Variants in RFTN2 observed in about 807,000 individuals in gnomAD.
RFTN2 encodes raftlin-2.
A neutral mutation model predicts 52.7 loss-of-function variants in RFTN2; 34 were observed. The observed-to-expected ratio is 0.64, with a 90% CI of 0.49 to 0.86. The LOEUF is 0.86. Among genes scored for constraint, RFTN2 ranks in the 40% least tolerant of loss-of-function variants. RFTN2 has a pLI of 0.00. For missense variants in RFTN2, 536 were observed against 600.1 expected (o/e 0.89, Z 1.12); for synonymous variants, 203 against 217.7 (o/e 0.93, Z 0.59).
intron 8 of RFTN2, among the ~76,000 whole-genome samples, chr2:197,586,137 A>C (rs568006165): frequency 2.6e-5 from 4 of 152,314 alleles, no homozygotes; most frequent in African/African-American, 9.6e-5. Context: ...TTGCTTACGA[A>C]GGCACTTACC....
chr2:197,639,796 T>G (rs2088631055), intron 3 of RFTN2, among the ~76,000 whole-genome samples: 1 of 143,436 alleles, frequency 7.0e-6, no homozygotes, highest in Admixed American at 7.1e-5. Flanking sequence ...ACTGCGTTCC[T>G]TTGGAGGAGG....
chr2:197,610,263 C>G (rs1429795467), intron 7 of RFTN2, among the ~76,000 whole-genome samples: 1 of 152,172 alleles, frequency 6.6e-6, no homozygotes, highest in African/African-American at 2.4e-5. Flanking sequence ...GAATGTTCTT[C>G]CATTTGTTTG....
chr2:197,621,794 G>A (rs1293951575), intron 5 of RFTN2, among the ~76,000 whole-genome samples: 5 of 152,118 alleles, frequency 3.3e-5, no homozygotes, highest in Non-Finnish European at 7.3e-5. Flanking sequence ...GTGAAAAGAA[G>A]AGTCACAAGT....
At chr2:197,602,804 C>G (rs868247546) in intron 7 of RFTN2, among the ~76,000 whole-genome samples, 102 of 152,276 alleles carry the variant, frequency 6.7e-4, no homozygotes, top group African/African-American at 2.4e-3. Flanking sequence ...TTCACAATAG[C>G]AAAGACTTGG....
intron 7 of RFTN2, among the ~76,000 whole-genome samples, chr2:197,596,644 A>G (rs2087797013): frequency 6.6e-6 from 1 of 152,196 alleles, no homozygotes; most frequent in African/African-American, 2.4e-5. Context: ...TATTCCTCTT[A>G]TGAATTATTT....
intron 8 of RFTN2, among the ~76,000 whole-genome samples, chr2:197,590,780 C>A (rs1057242245): frequency 1.3e-5 from 2 of 152,106 alleles, no homozygotes; most frequent in Non-Finnish European, 2.9e-5. Flanking sequence ...TGGAGTTGTT[C>A]GTTCCTCCCG....
intron 7 of RFTN2, among the ~76,000 whole-genome samples, chr2:197,603,805 T>A (rs2087917030): frequency 6.6e-6 from 1 of 152,168 alleles, no homozygotes; most frequent in African/African-American, 2.4e-5. Context: ...TGGGTGCCTG[T>A]AATCCCAGCT....
intron 1 of RFTN2, among the ~76,000 whole-genome samples, chr2:197,655,400 TA>T (rs1396596240): frequency 2.0e-5 from 3 of 152,162 alleles, no homozygotes; most frequent in African/African-American, 7.2e-5. Context: ...GTAGAAATGT[TA>T]ATGCAAGAAA....
intron 8 of RFTN2, among the ~76,000 whole-genome samples, chr2:197,585,316 C>G (rs191745220): frequency 6.6e-6 from 1 of 152,340 alleles, no homozygotes; most frequent in African/African-American, 2.4e-5. Flanking sequence ...ACTAGTCATA[C>G]TCCTATTCAC....
chr2:197,612,786 A>G (rs2088084347), intron 7 of RFTN2, among the ~76,000 whole-genome samples: 1 of 152,204 alleles, frequency 6.6e-6, no homozygotes. Flanking sequence ...GACGTACTGT[A>G]TGTATGTAAT....
chr2:197,613,649 A>G (rs950681738), intron 7 of RFTN2, among the ~76,000 whole-genome samples: 3 of 152,266 alleles, frequency 2.0e-5, no homozygotes, highest in African/African-American at 7.2e-5. Flanking sequence ...CAGGGACAGT[A>G]TATTTGCACA....
intron 8 of RFTN2, among the ~76,000 whole-genome samples, chr2:197,578,779 T>A (rs1043592009): frequency 2.8e-4 from 42 of 152,212 alleles, no homozygotes; most frequent in African/African-American, 9.6e-4. Flanking sequence ...GCATGACATT[T>A]GGTGCCGTGA....
intron 8 of RFTN2, among the ~76,000 whole-genome samples, chr2:197,575,793 T>C (rs2087402017): frequency 7.3e-6 from 1 of 136,876 alleles, no homozygotes; most frequent in African/African-American, 2.9e-5. Flanking sequence ...TATAATATAT[T>C]ATATATATTT....
At chr2:197,668,825 C>G (rs1363761192) in intron 1 of RFTN2, among the ~76,000 whole-genome samples, 1 of 152,186 alleles carries the variant, frequency 6.6e-6, no homozygotes, top group Non-Finnish European at 1.5e-5. Flanking sequence ...GGCACAATCT[C>G]TTGGCAGCTC....
intron 1 of RFTN2, among the ~76,000 whole-genome samples, chr2:197,646,915 A>AC (rs1213276443): frequency 2.0e-5 from 3 of 151,284 alleles, no homozygotes; most frequent in East Asian, 3.9e-4. Flanking sequence ...AAAAAAAAAA[A>AC]AAAAACTCCA....
chr2:197,621,326 C>G (rs1200703882), intron 5 of RFTN2, among the ~76,000 whole-genome samples: 1 of 150,968 alleles, frequency 6.6e-6, no homozygotes, highest in Non-Finnish European at 1.5e-5. Context: ...TTTTCTTGCT[C>G]TCAATATTGG....
intron 7 of RFTN2, among the ~76,000 whole-genome samples, chr2:197,612,230 G>A (rs1574706221): frequency 1.3e-5 from 2 of 152,052 alleles, no homozygotes; most frequent in South Asian, 2.1e-4. Flanking sequence ...ATAAATGAGT[G>A]CATGTCTTTC....
At chr2:197,577,907 G>T (rs1022601602) in intron 8 of RFTN2, among the ~76,000 whole-genome samples, 7 of 152,090 alleles carry the variant, frequency 4.6e-5, no homozygotes, top group African/African-American at 1.7e-4. Flanking sequence ...TATAGAGATG[G>T]GATTTTGCCA....
rs748512572 is a variant in RFTN2, at chr2:197,583,624, C to CT, written c.1234-11345dup. Among the ~76,000 whole-genome samples, 973 of 139,704 alleles carry CT rather than the reference C, an allele frequency of 7.0e-3. 4 individuals are homozygous for CT. The highest frequency in any genetic ancestry group is 0.015 in the African/African-American group (584 of 38,138). The allele number at this position is 139,704 out of a possible 152,430, so 91.7% of individuals were successfully genotyped here. ...ACTTAAAAAGGACTGGACAGTACTTCTTTTTTTTTTTTTTTTAATTATACT... is the reference window on the plus strand; with the variant it reads ...ACTTAAAAAGGACTGGACAGTACTTCTTTTTTTTTTTTTTTTTAATTATACT... On this transcript the variant is annotated intron_variant, in intron 8 of 8. Coordinates refer to ENST00000295049, the MANE Select transcript of RFTN2 (RefSeq NM_144629.3).
Sources: gnomAD v4.1 joint callset for allele counts (sites outside exome capture counted in the v4.1 genomes callset) on GRCh38, gnomAD v4.1.1 for gene constraint, MANE v1.5 for transcripts, NCBI Gene and HGNC (gene_info 2026-07-23, HGNC 2026-07-21) for gene names.